RASA3: variants seen among roughly 807,000 people sequenced by gnomAD.
RASA3 encodes ras GTPase-activating protein 3.
In RASA3, 73 loss-of-function variants were observed where a neutral mutation model predicts 110.0. The ratio of observed to expected loss-of-function variants is 0.66; its 90% CI spans 0.55 to 0.81. The LOEUF (loss-of-function observed/expected upper bound fraction) is 0.81, where lower values mean the gene tolerates loss of function less well. Ranked by LOEUF, RASA3 falls within the 30% of genes least tolerant of loss-of-function variation. The pLI is 0.00. For missense variants in RASA3, 976 were observed against 1,113.2 expected (o/e 0.88, Z 1.75); for synonymous variants, 500 against 451.4 (o/e 1.11, Z -1.37).
At chr13:114,007,695 G>T in intron 17 of RASA3, 89 bp from the exon 18 acceptor site, 1 of 1,102,298 alleles carries the variant, frequency 9.1e-7, no homozygotes, top group Non-Finnish European at 1.4e-6. Context: ...GGCGGCTACT[G>T]CCTCCTTTGT....
intron 1 of RASA3, among the ~76,000 whole-genome samples, chr13:114,093,867 ACT>A (rs2079914847): frequency 1.3e-5 from 2 of 150,738 alleles, no homozygotes; most frequent in African/African-American, 4.9e-5. Context: ...CATTTCATTC[ACT>A]GTATTTTTCT....
At chr13:114,071,774 T>C (rs1408044830) in intron 2 of RASA3, among the ~76,000 whole-genome samples, 1 of 152,170 alleles carries the variant, frequency 6.6e-6, no homozygotes, top group Admixed American at 6.5e-5. Context: ...GCACTGTCAG[T>C]GACGGAGTGA....
intron 2 of RASA3, among the ~76,000 whole-genome samples, chr13:114,071,196 C>T (rs535084413): frequency 5.3e-5 from 8 of 152,314 alleles, no homozygotes; most frequent in African/African-American, 1.4e-4. Context: ...TGGCTCACTG[C>T]GGCCTCAACC....
chr13:114,041,229 G>A (rs979160257), intron 3 of RASA3, 135 bp from the exon 4 acceptor site: 15 of 771,702 alleles, frequency 1.9e-5, no homozygotes, highest in Middle Eastern at 2.3e-4. Context: ...GGCCGGGTGC[G>A]GGGCTCATGC....
intron 22 of RASA3, among the ~76,000 whole-genome samples, chr13:113,990,562 T>C (rs965356556): frequency 6.6e-6 from 1 of 152,230 alleles, no homozygotes. Context: ...GGCTGGCTGA[T>C]GCCAGACCCA....
intron 1 of RASA3, among the ~76,000 whole-genome samples, chr13:114,094,305 C>G (rs9590432): frequency 0.37 from 56,931 of 152,088 alleles, 10,654 homozygotes; most frequent in Middle Eastern, 0.44. Flanking sequence ...GAATTGAAAA[C>G]TGGTGTGCAA....
At chr13:114,058,565 A>C (rs1054293912) in intron 2 of RASA3, among the ~76,000 whole-genome samples, 1 of 152,222 alleles carries the variant, frequency 6.6e-6, no homozygotes, top group Non-Finnish European at 1.5e-5. Context: ...ACCTGAGGCC[A>C]CCCTTGCTGG....
At chr13:114,094,480 G>A (rs534028770) in intron 1 of RASA3, among the ~76,000 whole-genome samples, 3 of 152,322 alleles carry the variant, frequency 2.0e-5, no homozygotes, top group South Asian at 2.1e-4. Context: ...TTCTTCTGGG[G>A]TGATTACAAA....
intron 2 of RASA3, among the ~76,000 whole-genome samples, chr13:114,055,944 G>A (rs531079426): frequency 1.2e-4 from 18 of 152,232 alleles, no homozygotes; most frequent in Non-Finnish European, 2.4e-4. Context: ...CAGAACCACC[G>A]GCACCGATAG....
intron 3 of RASA3, among the ~76,000 whole-genome samples, chr13:114,043,837 G>GCCCCCCCGCC (rs544129523): frequency 4.4e-5 from 1 of 22,834 alleles, no homozygotes; most frequent in African/African-American, 3.4e-4. Context: ...CACTCGCTGA[G>GCCCCCCCGCC]CCCCCCGCCC....
intron 4 of RASA3, among the ~76,000 whole-genome samples, chr13:114,038,579 G>A (rs2054326864): frequency 6.6e-6 from 1 of 152,218 alleles, no homozygotes; most frequent in Non-Finnish European, 1.5e-5. Context: ...CACCCCCACA[G>A]CTGGGCTCAT....
intron 22 of RASA3, among the ~76,000 whole-genome samples, chr13:113,992,088 GCT>G (rs2053131804): frequency 6.6e-6 from 1 of 151,832 alleles, no homozygotes; most frequent in African/African-American, 2.4e-5. Flanking sequence ...ACATTCACAC[GCT>G]CACACATGCC....
At chr13:114,110,930 C>T (rs1484560199) in intron 1 of RASA3, among the ~76,000 whole-genome samples, 1 of 152,172 alleles carries the variant, frequency 6.6e-6, no homozygotes, top group Non-Finnish European at 1.5e-5. Context: ...GGGGGCTGAG[C>T]CACGCTCTGG....
intron 7 of RASA3, among the ~76,000 whole-genome samples, chr13:114,024,800 G>C (rs2053997205): frequency 6.6e-6 from 1 of 152,260 alleles, no homozygotes; most frequent in Non-Finnish European, 1.5e-5. Flanking sequence ...CGTGAGGTCT[G>C]TGGAGCCTGA....
At position 114,067,249 on chromosome 13, in the gene RASA3, G is replaced by A. The variant is rs950623110; in HGVS notation, c.173+6471C>T. Among the ~76,000 whole-genome samples, 16 of 148,700 alleles carry A rather than the reference G, an allele frequency of 1.1e-4. No homozygotes were observed. The East Asian group carries it at 2.6e-3, about 24-fold the overall frequency. On this transcript the variant is annotated intron_variant, in intron 2 of 23. Transcript: ENST00000334062. ...GGGCTGAGGATGGGCCCCCACCTGCGGACACCCCGGGGCTGAGGATGGGCC... is the reference window on the plus strand; with the variant it reads ...GGGCTGAGGATGGGCCCCCACCTGCAGACACCCCGGGGCTGAGGATGGGCC...
chr13:114,001,346 G>A (rs61971828), intron 18 of RASA3, among the ~76,000 whole-genome samples: 20,238 of 149,668 alleles, frequency 0.14, 1,695 homozygotes, highest in Middle Eastern at 0.21. Flanking sequence ...GGTGGGCAGT[G>A]GACGCCCACA....
chr13:114,098,053 C>G (rs1169466975), intron 1 of RASA3, among the ~76,000 whole-genome samples: 1 of 152,210 alleles, frequency 6.6e-6, no homozygotes, highest in African/African-American at 2.4e-5. Context: ...CGAGGGGCTA[C>G]AGCCCCCATC....
In RASA3 at chr13:114,014,799, C is replaced by CA. The variant is rs1271432206; in HGVS notation, c.1405+409dup. The stretch of plus-strand genomic sequence containing the variant: ...CTCTGGGCCCTGCCAGGGTCGGCCA[C>CA]AAAAAGAAACCACTGGGAAAACCCA... On this transcript the variant is annotated intron_variant, in intron 14 of 23. Transcript: ENST00000334062. This position sits in a 1 kb window ranked among gnomAD's most constrained non-coding sequence, Gnocchi z 4.5. Among the ~76,000 whole-genome samples, 1 of 152,082 alleles carries CA rather than the reference C, an allele frequency of 6.6e-6. No individual in the cohort carries two copies. The highest frequency in any genetic ancestry group is 6.5e-5 in the Admixed American group (1 of 15,278).
In RASA3 at chr13:114,096,617, G is replaced by T. The variant is rs992241607; in HGVS notation, c.56-22780C>A. Among the ~76,000 whole-genome samples the T allele has an allele frequency of 6.6e-6, 1 of 152,112 alleles. No homozygotes were observed. Among genetic ancestry groups the T allele is most frequent in the African/African-American group, 2.4e-5 (1 of 41,402 alleles). ...CTATGGGAACAACTGCTCCTTTCCA[G>T]CCAAATGACCCATTTCCCAAACGCC... On this transcript the variant is annotated intron_variant, in intron 1 of 23. Transcript: ENST00000334062. This position sits in a 1 kb window ranked among gnomAD's most constrained non-coding sequence, Gnocchi z 5.1.
Sources: allele counts gnomAD v4.1 joint callset (sites outside exome capture counted in the v4.1 genomes callset), GRCh38; gene constraint gnomAD v4.1.1; non-coding constraint Gnocchi (gnomAD v3.1); transcripts MANE v1.5; gene names NCBI Gene and HGNC (gene_info 2026-07-23, HGNC 2026-07-21).